The following MOCOS variants were observed in gnomAD, a reference collection of about 807,000 sequenced individuals.
The protein encoded by MOCOS is human molybdenum cofactor sulfurase.
MOCOS carries 86 observed loss-of-function variants against 83.6 expected under a neutral mutation model. The ratio of observed to expected loss-of-function variants is 1.03; its 90% confidence interval spans 0.86 to 1.23. MOCOS has a LOEUF of 1.23. Among genes scored for constraint, MOCOS ranks in the 50% most tolerant of loss-of-function variants. MOCOS has a pLI of 0.00. For synonymous variants in MOCOS, 445 were observed against 434.7 expected, an observed-to-expected ratio of 1.02 and a Z score of -0.29; for missense variants, 1,120 against 1,126.9, an observed-to-expected ratio of 0.99 and a Z score of 0.09.
Position 36,203,140 on chromosome 18 carries a change from T to C in MOCOS, c.969T>C (p.Leu323=). The C allele has an allele frequency of 6.2e-7, 1 of 1,614,196 alleles. No homozygotes were observed. Among genetic ancestry groups the C allele is most frequent in the Non-Finnish European group, 8.5e-7 (1 of 1,180,048 alleles). The part of the protein sequence containing the change: ...QRFEDGTISF[L]DVIALKHGFD... ...TTGAAGATGGCACCATCTCATTCCT[T>C]GATGTTATCGCGCTAAAACATGGAT... Residue 323 remains leucine, a synonymous_variant, in exon 5 of 15, where the codon CTT becomes CTC. Coordinates refer to ENST00000261326, the MANE Select transcript of MOCOS (RefSeq NM_017947.4).
chr18:36,251,841 C>A (rs1224305378), intron 11 of MOCOS, among the ~76,000 whole-genome samples: 2 of 152,154 alleles, frequency 1.3e-5, no homozygotes, highest in Admixed American at 1.3e-4. Flanking sequence ...CAGAAAAGAT[C>A]ATTTTCATGT....
chr18:36,198,695 C>T lies in MOCOS; in HGVS notation c.238C>T (p.Pro80Ser). ...TTGTCTTTGTAACCTGCCAGGTAAT[C>T]CTCACAGCCAGAACATCAGCAGCAA... is the stretch of plus-strand genomic sequence containing the variant. ...SDLMENTYGNPHSQNISSKLT... is the reference protein window; with the variant it reads ...SDLMENTYGNSHSQNISSKLT... The change falls in exon 3 of 15, where the codon CCT becomes TCT. Residue 80 changes from proline to serine, a missense_variant. By Grantham distance (74) the Pro-to-Ser change is moderately conservative. Transcript: ENST00000261326. 1 of 1,614,164 alleles carries T rather than the reference C, an allele frequency of 6.2e-7. No homozygotes were observed. The highest frequency in any genetic ancestry group is 1.3e-5 in the African/African-American group (1 of 75,032).
chr18:36,200,099 C>T lies in MOCOS; in HGVS notation c.716C>T (p.Ala239Val), dbSNP rs1258940139. ...GGGAAGTGGTTTGTGCTGCTGGATG[C>T]AGCCTCCTACGTGAGCACCTCGCCT... ...TPGKWFVLLD[A>V]ASYVSTSPLD... Residue 239 changes from alanine (A) to valine (V), a missense_variant, in exon 4 of 15, where the codon GCA (alanine) becomes GTA (valine). Ala to Val is a moderately conservative substitution (Grantham distance 64). Transcript: ENST00000261326. 1.2e-6 allele frequency: 2 copies of T among 1,614,108 alleles called. No homozygotes were observed. Among genetic ancestry groups the T allele is most frequent in the Non-Finnish European group, 1.7e-6 (2 of 1,180,038 alleles).
intron 1 of MOCOS, among the ~76,000 whole-genome samples, chr18:36,192,586 G>A (rs2091370372): frequency 6.6e-6 from 1 of 152,174 alleles, no homozygotes; most frequent in Non-Finnish European, 1.5e-5. Context: ...TTTTGCAGAA[G>A]TTGACAAGCT....
At position 36,205,128 on chromosome 18, in the gene MOCOS, A is replaced by G. The variant is rs1568051442; in HGVS notation, c.1070A>G (p.Tyr357Cys). ...ACCTTCACCTTGGCTCAGTATACCT[A>G]CGTGGCCCTGTCCTCTCTCCAGTAC... ...QHTFTLAQYT[Y>C]VALSSLQYPN... The change falls in exon 6 of 15, where the codon TAC (tyrosine) becomes TGC (cysteine). Residue 357 changes from tyrosine (Y) to cysteine (C), a missense_variant. By Grantham distance (194) the Tyr-to-Cys change is radical (BLOSUM62 -2). Coordinates refer to ENST00000261326, the MANE Select transcript of MOCOS (RefSeq NM_017947.4). 6.2e-7 allele frequency: 1 copy of G among 1,613,740 alleles called. No individual in the cohort carries two copies. Among genetic ancestry groups the G allele is most frequent in the East Asian group, 2.2e-5 (1 of 44,876 alleles).
At chr18:36,233,270 C>T (rs1342370383) in intron 9 of MOCOS, among the ~76,000 whole-genome samples, 1 of 152,158 alleles carries the variant, frequency 6.6e-6, no homozygotes, top group African/African-American at 2.4e-5. Context: ...AGAGAACATA[C>T]AATGTTTGTT....
rs189188406 is a variant in MOCOS, at chr18:36,213,459, G to A, written c.1312G>A (p.Glu438Lys). ...CCAGAGGCACCTGGGCATAAGCAACGAGATGGTCAGGAAGCATTTTCAGGT... is the reference window on the plus strand; with the variant it reads ...CCAGAGGCACCTGGGCATAAGCAACAAGATGGTCAGGAAGCATTTTCAGGT... ...ACQRHLGISN[E>K]MVRKHFQAGH... Residue 438 changes from glutamate to lysine, a missense_variant, in exon 7 of 15, where the codon GAG becomes AAG. By Grantham distance (56) the Glu-to-Lys change is moderately conservative. Transcript: ENST00000261326. 2.0e-5 allele frequency: 32 copies of A among 1,613,892 alleles called. No homozygotes were observed. In the Middle Eastern group the frequency reaches 2.4e-3, roughly 120 times the overall value.
chr18:36,246,840 A>G (rs1451745437), intron 9 of MOCOS, among the ~76,000 whole-genome samples: 1 of 152,128 alleles, frequency 6.6e-6, no homozygotes, highest in African/African-American at 2.4e-5. Context: ...GCAGCAGTAG[A>G]AGGGGGATAT....
chr18:36,235,164 G>C (rs1258586286), intron 9 of MOCOS, among the ~76,000 whole-genome samples: 1 of 150,688 alleles, frequency 6.6e-6, no homozygotes, highest in African/African-American at 2.4e-5. Flanking sequence ...TAAGTTTTAG[G>C]GTACATGTGC....
chr18:36,237,911 T>G (rs560288388), intron 9 of MOCOS, among the ~76,000 whole-genome samples: 30 of 151,978 alleles, frequency 2.0e-4, no homozygotes, highest in Non-Finnish European at 4.0e-4. Context: ...TTTTCTAGTT[T>G]ATTTGCGTAG....
intron 1 of MOCOS, among the ~76,000 whole-genome samples, chr18:36,187,945 G>C (rs2091348277): frequency 6.6e-6 from 1 of 152,234 alleles, no homozygotes; most frequent in African/African-American, 2.4e-5. Context: ...CGCCCTCCGC[G>C]AGCGGGGCTT....
chr18:36,237,459 G>A (rs1383452899), intron 9 of MOCOS, among the ~76,000 whole-genome samples: 1 of 152,190 alleles, frequency 6.6e-6, no homozygotes, highest in Non-Finnish European at 1.5e-5. Flanking sequence ...TATTGAACCA[G>A]CCTTGCATCC....
At chr18:36,205,016 A>AAAAAAAAT in intron 5 of MOCOS, 61 bp from the exon 6 acceptor site, 1 of 1,242,580 alleles carries the variant, frequency 8.0e-7, no homozygotes, top group Non-Finnish European at 1.1e-6. Flanking sequence ...AAAAAAAAAA[A>AAAAAAAAT]GAGTGAATTG....
intron 4 of MOCOS, 142 bp from the exon 5 acceptor site, chr18:36,202,971 T>C (rs2091420374): frequency 2.5e-6 from 2 of 796,374 alleles, no homozygotes; most frequent in Non-Finnish European, 4.4e-6. Context: ...GGATTACAAT[T>C]AGAGATGAGA....
chr18:36,245,682 T>G (rs1370694277), intron 9 of MOCOS, among the ~76,000 whole-genome samples: 1 of 152,216 alleles, frequency 6.6e-6, no homozygotes, highest in African/African-American at 2.4e-5. Context: ...TCTAGTGAGA[T>G]CAGAGAAGTT....
chr18:36,210,000 G>A (rs988552114), intron 6 of MOCOS, among the ~76,000 whole-genome samples: 3 of 152,032 alleles, frequency 2.0e-5, no homozygotes, highest in East Asian at 1.9e-4. Flanking sequence ...CACTGTACCC[G>A]GCTGGATTAG....
chr18:36,268,113 A>G (rs796657098), intron 14 of MOCOS, among the ~76,000 whole-genome samples: 11 of 152,356 alleles, frequency 7.2e-5, no homozygotes, highest in African/African-American at 2.6e-4. Flanking sequence ...ATTTGACAAA[A>G]TTAACTTGCA....
rs780888858 is a variant in MOCOS, at chr18:36,266,823, C to T, written c.2484C>T (p.Phe828=). The change falls in exon 14 of 15, where the codon TTC becomes TTT. Residue 828 remains phenylalanine, a synonymous_variant. Transcript: ENST00000261326. ...CTGGGCAACGAAACCAGCATGTTTT[C>T]CAAAAACTTTCTGAGAGTCGTGAAA... ...QQTGQRNQHV[F]QKLSESRETK... is the part of the protein sequence containing the mutation. 4 of 1,614,040 alleles carry T rather than the reference C, an allele frequency of 2.5e-6. No individual in the cohort carries two copies. Among genetic ancestry groups the T allele is most frequent in the Middle Eastern group, 1.6e-4 (1 of 6,062 alleles).
intron 6 of MOCOS, among the ~76,000 whole-genome samples, chr18:36,209,504 CCT>C (rs1261802575): frequency 3.3e-5 from 5 of 152,236 alleles, no homozygotes; most frequent in Non-Finnish European, 5.9e-5. Flanking sequence ...ACCCTTCCCC[CCT>C]GAGTCCCCAA....
Sources: gnomAD v4.1 joint callset for allele counts (sites outside exome capture counted in the v4.1 genomes callset) on GRCh38, gnomAD v4.1.1 for gene constraint, MANE v1.5 for transcripts, NCBI Gene and HGNC (gene_info 2026-07-23, HGNC 2026-07-21) for gene names.